The following PDE1A variants were observed in gnomAD, a reference collection of about 807,000 sequenced individuals.
PDE1A encodes the protein phosphodiesterase 1A.
A neutral mutation model predicts 61.7 loss-of-function variants in PDE1A; 35 were observed. That is an observed-to-expected ratio of 0.57 (90% CI 0.43 to 0.75). The LOEUF is 0.75. Among genes scored for constraint, PDE1A ranks in the 30% least tolerant of loss-of-function variants. The pLI is 0.00. For synonymous variants in PDE1A, 232 were observed against 213.2 expected, an observed-to-expected ratio of 1.09 and a Z score of -0.77; for missense variants, 597 against 630.6, an observed-to-expected ratio of 0.95 and a Z score of 0.57.
intron 1 of PDE1A, among the ~76,000 whole-genome samples, chr2:182,367,912 T>A (rs1380166966): frequency 6.6e-6 from 1 of 152,116 alleles, no homozygotes; most frequent in East Asian, 1.9e-4. Flanking sequence ...TAGAACTTGA[T>A]CATTTGGTAG....
the PDE1A span, among the ~76,000 whole-genome samples, chr2:182,607,122 G>C: frequency 6.6e-6 from 1 of 152,128 alleles, no homozygotes; most frequent in Admixed American, 6.5e-5. Context: ...TGGTTAGTTA[G>C]GCAATTATGA....
At chr2:182,570,141 G>A in the PDE1A span, among the ~76,000 whole-genome samples, 5 of 152,202 alleles carry the variant, frequency 3.3e-5, no homozygotes, top group African/African-American at 2.4e-5. Flanking sequence ...GGTGGTTTAC[G>A]TAAAACATTC....
chr2:182,627,885 A>G, the PDE1A span, among the ~76,000 whole-genome samples: 1 of 151,298 alleles, frequency 6.6e-6, no homozygotes, highest in Non-Finnish European at 1.5e-5. Context: ...TGGAGGTTAC[A>G]GTGAGCTGAG....
the PDE1A span, among the ~76,000 whole-genome samples, chr2:182,639,465 G>A: frequency 6.6e-6 from 1 of 152,172 alleles, no homozygotes; most frequent in South Asian, 2.1e-4. Context: ...CTGCTCAGGA[G>A]GTCGAGGCAG....
chr2:182,623,820 A>G, the PDE1A span, among the ~76,000 whole-genome samples: 1 of 152,136 alleles, frequency 6.6e-6, no homozygotes, highest in Non-Finnish European at 1.5e-5. Context: ...TGAACATTAT[A>G]CAAACCCTTT....
chr2:182,250,283 A>G (rs1194914742), intron 2 of PDE1A, among the ~76,000 whole-genome samples: 3 of 152,190 alleles, frequency 2.0e-5, no homozygotes, highest in African/African-American at 7.2e-5. Context: ...GCTTGAATTT[A>G]ATTTCCAGTG....
the PDE1A span, among the ~76,000 whole-genome samples, chr2:182,589,656 G>A: frequency 2.6e-5 from 4 of 152,300 alleles, no homozygotes; most frequent in African/African-American, 4.8e-5. Flanking sequence ...TCAGGGAAAC[G>A]AGTACATCAG....
At chr2:182,236,454 G>A (rs1000381483) in intron 3 of PDE1A, among the ~76,000 whole-genome samples, 5 of 151,580 alleles carry the variant, frequency 3.3e-5, no homozygotes, top group Non-Finnish European at 5.9e-5. Flanking sequence ...AGGCAAAAGC[G>A]TCAATATAAA....
chr2:182,667,398 A>G, the PDE1A span, among the ~76,000 whole-genome samples: 2 of 152,176 alleles, frequency 1.3e-5, no homozygotes, highest in Non-Finnish European at 2.9e-5. Flanking sequence ...TATTGGAATC[A>G]GGGAACCCAT....
chr2:182,682,264 T>C, the PDE1A span, among the ~76,000 whole-genome samples: 1 of 152,186 alleles, frequency 6.6e-6, no homozygotes, highest in Admixed American at 6.5e-5. Context: ...AATCGGGAGC[T>C]GTGTCTGAGG....
the PDE1A span, among the ~76,000 whole-genome samples, chr2:182,558,713 G>A: frequency 6.6e-6 from 1 of 152,120 alleles, no homozygotes; most frequent in African/African-American, 2.4e-5. Flanking sequence ...CAAAGACAAA[G>A]GATTTGCAAA....
At chr2:182,540,383 A>AGG in the PDE1A span, among the ~76,000 whole-genome samples, 1 of 72,754 alleles carries the variant, frequency 1.4e-5, no homozygotes, top group African/African-American at 4.0e-5. Flanking sequence ...AAAAAAAAAA[A>AGG]AAGCAGCAGC....
intron 9 of PDE1A, 42 bp downstream of exon 9, chr2:182,201,645 CA>C: frequency 1.4e-6 from 1 of 702,310 alleles, no homozygotes; most frequent in Non-Finnish European, 1.9e-6. Flanking sequence ...GGAACTTTAA[CA>C]TGACAAAAAA....
At chr2:182,401,336 C>T (rs570944660) in intron 1 of PDE1A, among the ~76,000 whole-genome samples, 1 of 152,336 alleles carries the variant, frequency 6.6e-6, no homozygotes, top group African/African-American at 2.4e-5. Flanking sequence ...ATCAAGTTGG[C>T]TTCATCCCTG....
chr2:182,158,935 A>AT (rs755405828), intron 13 of PDE1A, among the ~76,000 whole-genome samples: 3 of 152,200 alleles, frequency 2.0e-5, no homozygotes, highest in East Asian at 1.9e-4. Context: ...TTAGTTATAC[A>AT]TTTTTTGCAT....
the PDE1A span, among the ~76,000 whole-genome samples, chr2:182,567,228 A>C: frequency 1.3e-5 from 2 of 152,180 alleles, no homozygotes; most frequent in African/African-American, 4.8e-5. Flanking sequence ...AAACTACCTG[A>C]TTCCCACAAA....
At chr2:182,186,049 A>G in exon 13 of PDE1A, 2 of 1,614,032 alleles carry the variant, frequency 1.2e-6, no homozygotes, top group Non-Finnish European at 1.7e-6. Flanking sequence ...TTAGTGCATC[A>G]GCAATGTGTA....
chr2:182,431,824 T>C (rs1703965875), upstream of PDE1A, among the ~76,000 whole-genome samples: 1 of 152,096 alleles, frequency 6.6e-6, no homozygotes, highest in African/African-American at 2.4e-5. Flanking sequence ...TAACATTCTA[T>C]TGGGAAAAAG....
intron 2 of PDE1A, among the ~76,000 whole-genome samples, chr2:182,503,006 T>C (rs1559520820): frequency 2.0e-5 from 3 of 149,460 alleles, no homozygotes; most frequent in Non-Finnish European, 1.5e-5. Flanking sequence ...GTTCTCTCTT[T>C]CTCTCTCTCT....
Sources: gnomAD v4.1 joint callset for allele counts (sites outside exome capture counted in the v4.1 genomes callset) on GRCh38, gnomAD v4.1.1 for gene constraint, MANE v1.5 for transcripts, NCBI Gene and HGNC (gene_info 2026-07-23, HGNC 2026-07-21) for gene names.